METTL15: variants seen among roughly 807,000 people sequenced by gnomAD.
The protein encoded by METTL15 is 12S rRNA N(4)-cytidine methyltransferase METTL15.
In METTL15, 34 loss-of-function variants were observed where a neutral mutation model predicts 38.3. The observed-to-expected ratio is 0.89, with a 90% confidence interval of 0.68 to 1.18. The LOEUF is 1.18. METTL15 is among the 50% of genes most tolerant of loss of function. METTL15 has a pLI of 0.00. For synonymous variants in METTL15, 162 were observed against 170.9 expected, an observed-to-expected ratio of 0.95 and a Z score of 0.41; for missense variants, 438 against 498.4, an observed-to-expected ratio of 0.88 and a Z score of 1.15.
intron 4 of METTL15, among the ~76,000 whole-genome samples, chr11:28,219,484 A>C (rs1338016634): frequency 6.6e-6 from 1 of 151,926 alleles, no homozygotes; most frequent in Non-Finnish European, 1.5e-5. Context: ...CAGTCTATCA[A>C]TTTTGTTGAC....
At chr11:28,172,842 A>G (rs1033818156) in intron 3 of METTL15, among the ~76,000 whole-genome samples, 5 of 152,226 alleles carry the variant, frequency 3.3e-5, no homozygotes, top group African/African-American at 1.2e-4. Flanking sequence ...CTATTCAAGG[A>G]AAGAAGAGCA....
intron 4 of METTL15, among the ~76,000 whole-genome samples, chr11:28,253,048 T>C (rs1854812664): frequency 6.6e-6 from 1 of 152,156 alleles, no homozygotes; most frequent in Non-Finnish European, 1.5e-5. Context: ...CTTGGCCTTT[T>C]TCACTGTCTA....
At chr11:28,195,495 C>T (rs1851876949) in intron 3 of METTL15, among the ~76,000 whole-genome samples, 1 of 151,754 alleles carries the variant, frequency 6.6e-6, no homozygotes, top group Non-Finnish European at 1.5e-5. Context: ...CTATGTTTGG[C>T]CATTTGTATA....
chr11:28,384,228 G>T (rs1004418700), intron 5 of METTL15, among the ~76,000 whole-genome samples: 1 of 151,908 alleles, frequency 6.6e-6, no homozygotes, highest in Non-Finnish European at 1.5e-5. Context: ...CATTTTGGTT[G>T]ATTCAATGTC....
intron 4 of METTL15, among the ~76,000 whole-genome samples, chr11:28,232,618 C>A (rs1853732929): frequency 6.6e-6 from 1 of 151,686 alleles, no homozygotes; most frequent in African/African-American, 2.4e-5. Flanking sequence ...TAGCATTTTT[C>A]ATATCAGCAA....
chr11:28,224,674 A>G (rs530804193), intron 4 of METTL15, among the ~76,000 whole-genome samples: 1 of 151,924 alleles, frequency 6.6e-6, no homozygotes, highest in Non-Finnish European at 1.5e-5. Context: ...TTATCGTATA[A>G]TTATAACAAT....
chr11:28,168,895 G>A (rs1309831864), intron 3 of METTL15, among the ~76,000 whole-genome samples: 3 of 152,094 alleles, frequency 2.0e-5, no homozygotes, highest in Non-Finnish European at 4.4e-5. Flanking sequence ...AAGCCAGAGC[G>A]TAAGACAGAA....
rs1262383925 is a variant in METTL15 at position 28,305,125 on chromosome 11, CTT to C, written c.778+8195_778+8196del. On this transcript the variant is annotated intron_variant, in intron 6 of 6. Transcript: ENST00000407364. ...TAGCAAATGACATTTTTTAAGTAAA[CTT>C]ATGTTTTATTTCTTATTTTAATAAG... Among the ~76,000 whole-genome samples, 4 of 152,122 alleles carry C rather than the reference CTT, an allele frequency of 2.6e-5. No homozygotes were observed. In the East Asian group the frequency reaches 5.8e-4, roughly 22 times the overall value.
chr11:28,269,047 A>G (rs1189417299), intron 4 of METTL15, among the ~76,000 whole-genome samples: 1 of 152,202 alleles, frequency 6.6e-6, no homozygotes, highest in African/African-American at 2.4e-5. Flanking sequence ...ATCAGGTTGC[A>G]TAGCGACAAT....
intron 6 of METTL15, among the ~76,000 whole-genome samples, chr11:28,444,535 A>G (rs186023072): frequency 9.9e-4 from 151 of 152,316 alleles, no homozygotes; most frequent in African/African-American, 1.9e-3. Flanking sequence ...GATGCCATGT[A>G]GTAAATTTGC....
chr11:28,226,312 G>A (rs899175778), intron 4 of METTL15, among the ~76,000 whole-genome samples: 48 of 151,652 alleles, frequency 3.2e-4, no homozygotes, highest in African/African-American at 5.3e-4. Context: ...ATATCCTTGG[G>A]GACTATTTTT....
At chr11:28,307,964 A>C (rs1028052896) in intron 6 of METTL15, among the ~76,000 whole-genome samples, 2 of 152,066 alleles carry the variant, frequency 1.3e-5, no homozygotes, top group African/African-American at 4.8e-5. Context: ...TCTTCGATGA[A>C]GATAAAGACA....
At chr11:28,138,355 A>ACCTCT (rs1849583573) in intron 3 of METTL15, among the ~76,000 whole-genome samples, 1 of 152,196 alleles carries the variant, frequency 6.6e-6, no homozygotes, top group Non-Finnish European at 1.5e-5. Context: ...ACTTTAAATT[A>ACCTCT]AGCTGAGTGC....
chr11:28,181,500 A>G (rs1851287638), intron 3 of METTL15, among the ~76,000 whole-genome samples: 1 of 151,848 alleles, frequency 6.6e-6, no homozygotes, highest in Non-Finnish European at 1.5e-5. Flanking sequence ...GAGTGAGAAC[A>G]TGTGGTGTTT....
At chr11:28,217,978 G>T (rs1248767207) in intron 4 of METTL15, among the ~76,000 whole-genome samples, 2 of 152,158 alleles carry the variant, frequency 1.3e-5, no homozygotes, top group Non-Finnish European at 2.9e-5. Flanking sequence ...AGTGTAGTTT[G>T]AAGTCAGGTA....
chr11:28,353,867 G>C (rs1392542142), intron 4 of METTL15, among the ~76,000 whole-genome samples: 2 of 150,070 alleles, frequency 1.3e-5, no homozygotes, highest in African/African-American at 2.5e-5. Flanking sequence ...GGAGCTTGCA[G>C]TGAGCCGAGA....
At chr11:28,478,519 G>A (rs1851366646) in intron 6 of METTL15, among the ~76,000 whole-genome samples, 1 of 152,176 alleles carries the variant, frequency 6.6e-6, no homozygotes, top group African/African-American at 2.4e-5. Context: ...AAATTTCAGT[G>A]TTACCTTCCT....
intron 3 of METTL15, among the ~76,000 whole-genome samples, chr11:28,168,177 A>T (rs1850721229): frequency 6.6e-6 from 1 of 151,838 alleles, no homozygotes; most frequent in Non-Finnish European, 1.5e-5. Flanking sequence ...TTTATTGAAC[A>T]CTTCTATATT....
chr11:28,512,057 G>A (rs1440884062), intron 6 of METTL15, among the ~76,000 whole-genome samples: 1 of 151,990 alleles, frequency 6.6e-6, no homozygotes, highest in Non-Finnish European at 1.5e-5. Context: ...CTAGACACAG[G>A]GTGCTGATTG....
Sources: allele counts gnomAD v4.1 joint callset (sites outside exome capture counted in the v4.1 genomes callset), GRCh38; gene constraint gnomAD v4.1.1; transcripts MANE v1.5; gene names NCBI Gene and HGNC (gene_info 2026-07-23, HGNC 2026-07-21).